PDE4D: variants seen among roughly 807,000 people sequenced by gnomAD.
PDE4D encodes the protein phosphodiesterase 4D, also known as 3',5'-cyclic-AMP phosphodiesterase 4D.
Under a neutral mutation model 87.4 loss-of-function variants are expected in PDE4D, and 24 were observed. The observed-to-expected ratio is 0.27, with a 90% confidence interval of 0.20 to 0.39. The LOEUF is 0.39. PDE4D is among the 10% of genes least tolerant of loss of function. The pLI, the probability that PDE4D is intolerant of heterozygous loss-of-function variation, is 1.00. For synonymous variants in PDE4D, 384 were observed against 383.2 expected, an observed-to-expected ratio of 1.00 and a Z score of -0.02; for missense variants, 714 against 1,041.0, an observed-to-expected ratio of 0.69 and a Z score of 4.32.
intron 1 of PDE4D, among the ~76,000 whole-genome samples, chr5:60,504,554 C>A (rs1250668237): frequency 6.6e-6 from 1 of 152,098 alleles, no homozygotes; most frequent in Non-Finnish European, 1.5e-5. Context: ...ACAGCCTCTG[C>A]TACACTAAAA....
intron 1 of PDE4D, among the ~76,000 whole-genome samples, chr5:59,686,209 C>A (rs765229242): frequency 1.1e-4 from 16 of 152,126 alleles, no homozygotes; most frequent in Non-Finnish European, 1.9e-4. Context: ...GATTTAATAA[C>A]AGCAGCAAAT....
intron 1 of PDE4D, among the ~76,000 whole-genome samples, chr5:59,463,553 C>G (rs1041629056): frequency 6.6e-6 from 1 of 152,104 alleles, no homozygotes; most frequent in African/African-American, 2.4e-5. Flanking sequence ...AGCCAGGTGG[C>G]CAAGGTTTCA....
At chr5:59,544,549 G>A (rs1816935120) in intron 1 of PDE4D, among the ~76,000 whole-genome samples, 1 of 152,144 alleles carries the variant, frequency 6.6e-6, no homozygotes, top group African/African-American at 2.4e-5. Context: ...AACACAAAAG[G>A]AAAAGGACAA....
chr5:60,078,783 T>A (rs1339429264), intron 2 of PDE4D, among the ~76,000 whole-genome samples: 1 of 152,230 alleles, frequency 6.6e-6, no homozygotes, highest in African/African-American at 2.4e-5. Context: ...AACCAGTCTA[T>A]CATTGATGGG....
At chr5:59,573,687 C>T (rs985501508) in intron 1 of PDE4D, among the ~76,000 whole-genome samples, 1 of 151,824 alleles carries the variant, frequency 6.6e-6, no homozygotes, top group African/African-American at 2.4e-5. Context: ...TCTTCCTATC[C>T]CAAGGGCACG....
chr5:60,509,100 A>G (rs1474784566), intron 1 of PDE4D, among the ~76,000 whole-genome samples: 1 of 152,110 alleles, frequency 6.6e-6, no homozygotes, highest in African/African-American at 2.4e-5. Flanking sequence ...GGGTTGCACC[A>G]TGTTGGCCAG....
chr5:59,279,189 A>G (rs996142554), intron 1 of PDE4D, among the ~76,000 whole-genome samples: 2 of 152,148 alleles, frequency 1.3e-5, no homozygotes, highest in African/African-American at 2.4e-5. Flanking sequence ...CTAAATATTC[A>G]GGCCTCTCAA....
chr5:60,233,053 G>A (rs1583162369), intron 1 of PDE4D, among the ~76,000 whole-genome samples: 1 of 151,714 alleles, frequency 6.6e-6, no homozygotes, highest in Non-Finnish European at 1.5e-5. Flanking sequence ...TTAGCTGCAA[G>A]ATTAGAATCC....
At chr5:60,039,611 A>T (rs951745651) in intron 2 of PDE4D, among the ~76,000 whole-genome samples, 2 of 151,956 alleles carry the variant, frequency 1.3e-5, no homozygotes, top group East Asian at 1.9e-4. Context: ...AAAATAAAAA[A>T]AATAAAAAAT....
intron 1 of PDE4D, among the ~76,000 whole-genome samples, chr5:59,871,292 G>A (rs570380041): frequency 2.8e-4 from 42 of 152,212 alleles, no homozygotes; most frequent in Non-Finnish European, 1.5e-4. Flanking sequence ...AAGCTTCAAG[G>A]AATTTTACAG....
chr5:59,169,111 C>A (rs1427483139), intron 5 of PDE4D, among the ~76,000 whole-genome samples: 1 of 152,122 alleles, frequency 6.6e-6, no homozygotes, highest in Non-Finnish European at 1.5e-5. Flanking sequence ...TGTGAGTGCA[C>A]TCCCTATTTA....
intron 1 of PDE4D, among the ~76,000 whole-genome samples, chr5:60,207,024 AC>A (rs758107311): frequency 6.6e-6 from 1 of 152,238 alleles, no homozygotes; most frequent in African/African-American, 2.4e-5. Context: ...GGACATGAAA[AC>A]AAAGTGTGTA....
chr5:59,442,879 G>A (rs1797852243), intron 1 of PDE4D, among the ~76,000 whole-genome samples: 1 of 152,166 alleles, frequency 6.6e-6, no homozygotes, highest in African/African-American at 2.4e-5. Context: ...ATTAGTTGTT[G>A]GTAGAAGTCA....
In PDE4D at chr5:60,198,431, T is replaced by C. The variant is rs181589247; in HGVS notation, c.-89-12744A>G. ...AGTCATATTCCATATTCCAAAGAAT[T>C]TGGAGTCAAATTCTGTTTTGGCCAT... On this transcript the variant is annotated intron_variant, in intron 1 of 16. Transcript: ENST00000502484. Among the ~76,000 whole-genome samples, 66 of 151,704 alleles carry C rather than the reference T, an allele frequency of 4.4e-4. 3 individuals are homozygous for C. The highest frequency in any genetic ancestry group is 3.8e-4 in the Non-Finnish European group (26 of 67,720).
chr5:59,974,220 G>A (rs780073570), intron 3 of PDE4D, among the ~76,000 whole-genome samples: 1 of 152,078 alleles, frequency 6.6e-6, no homozygotes, highest in Non-Finnish European at 1.5e-5. Flanking sequence ...GCCAGAAATA[G>A]TATTTAAGAA....
chr5:58,974,846 T>C lies in PDE4D; in HGVS notation c.2248A>G (p.Lys750Glu). The change falls in exon 15 of 15, where the codon AAG becomes GAG. Residue 750 changes from lysine (K) to glutamate (E), a missense_variant. Transcript: ENST00000340635. Reference sequence around the variant, plus strand: ...TCTTCCACTTGACTGCCACTGTCCTTTTCCGTGTCTGACTCACCATCTTCC... The same window carrying C: ...TCTTCCACTTGACTGCCACTGTCCTCTTCCGTGTCTGACTCACCATCTTCC... The part of the protein sequence containing the change: ...LEEDGESDTE[K>E]DSGSQVEEDT... The C allele has an allele frequency of 6.2e-7, 1 of 1,613,266 alleles. No individual in the cohort carries two copies. Among genetic ancestry groups the C allele is most frequent in the Non-Finnish European group, 8.5e-7 (1 of 1,179,410 alleles).
intron 1 of PDE4D, among the ~76,000 whole-genome samples, chr5:59,601,595 ATGTTTGTG>A (rs1435126482): frequency 6.6e-6 from 1 of 151,874 alleles, no homozygotes; most frequent in Admixed American, 6.6e-5. Context: ...TTTTTCCTCT[ATGTTTGTG>A]TGTTCCAGCT....
rs145671721 is a variant in PDE4D, at chr5:59,715,905, C to T, written c.455+177263G>A. Among the ~76,000 whole-genome samples the T allele has an allele frequency of 3.9e-5, 6 of 152,310 alleles. No individual in the cohort carries two copies. In the East Asian group the frequency reaches 1.2e-3, roughly 29 times the overall value. On this transcript the variant is annotated intron_variant, in intron 1 of 14. Coordinates refer to ENST00000340635, the MANE Select transcript of PDE4D (RefSeq NM_001104631.2). ...GCTGTGGCCTCTGGGTCTGGGGTTC[C>T]ACCCTGTGGGCATGTTTCTCCATTT... is the stretch of plus-strand genomic sequence containing the variant.
At chr5:59,281,516 CTAAGCATAGGTAAATA>C (rs1184057258) in intron 1 of PDE4D, among the ~76,000 whole-genome samples, 2 of 152,132 alleles carry the variant, frequency 1.3e-5, no homozygotes, top group Non-Finnish European at 2.9e-5. Flanking sequence ...TCAACTCTCT[CTAAGCATAGGTAAATA>C]TTAAGTATTT....
Sources: allele counts gnomAD v4.1 joint callset (sites outside exome capture counted in the v4.1 genomes callset), GRCh38; gene constraint gnomAD v4.1.1; transcripts MANE v1.5; gene names NCBI Gene and HGNC (gene_info 2026-07-23, HGNC 2026-07-21).